The following ZBTB7C variants were observed in gnomAD, a reference collection of about 807,000 sequenced individuals.
ZBTB7C encodes the protein zinc finger and BTB domain containing 7C, also known as zinc finger and BTB domain-containing protein 7C.
In ZBTB7C, 8 loss-of-function variants were observed where a neutral mutation model predicts 25.7. The ratio of observed to expected loss-of-function variants is 0.31; its 90% CI spans 0.18 to 0.56. ZBTB7C has a LOEUF of 0.56. Ranked by LOEUF, ZBTB7C falls within the 20% of genes least tolerant of loss-of-function variation. The pLI is 0.91. For missense variants in ZBTB7C, 824 were observed against 855.2 expected (o/e 0.96, Z 0.46); for synonymous variants, 394 against 369.0 (o/e 1.07, Z -0.78).
intron 2 of ZBTB7C, among the ~76,000 whole-genome samples, chr18:48,336,323 C>A (rs184322510): frequency 3.9e-5 from 6 of 152,242 alleles, no homozygotes; most frequent in African/African-American, 9.6e-5. Flanking sequence ...TCTCACCCCC[C>A]ACCAGACTGT....
chr18:48,215,825 A>G (rs760702848), intron 2 of ZBTB7C, among the ~76,000 whole-genome samples: 1 of 152,252 alleles, frequency 6.6e-6, no homozygotes, highest in East Asian at 1.9e-4. Flanking sequence ...TTCAGGGCAT[A>G]TTTTCAGACT....
rs2047660271 is a variant in ZBTB7C, at chr18:48,382,701, A to G, written c.-304+26525T>C. Among the ~76,000 whole-genome samples the G allele has an allele frequency of 2.0e-5, 3 of 152,250 alleles. No individual in the cohort carries two copies. In the South Asian group the frequency reaches 6.2e-4, roughly 31 times the overall value. Reference sequence around the variant, plus strand: ...GAATGACTTTGCATGCATGCATGTTATTGCTGTGCAGGAAATTTGCCCTAC... The same window carrying G: ...GAATGACTTTGCATGCATGCATGTTGTTGCTGTGCAGGAAATTTGCCCTAC... On this transcript the variant is annotated intron_variant, in intron 1 of 4. Transcript: ENST00000590800.
intron 2 of ZBTB7C, among the ~76,000 whole-genome samples, chr18:48,284,822 G>A (rs2044992107): frequency 6.6e-6 from 1 of 150,870 alleles, no homozygotes; most frequent in Non-Finnish European, 1.5e-5. Context: ...CAGAGAGAGA[G>A]AGAGAGAAGA....
At chr18:48,351,922 G>A (rs1277365297) in intron 1 of ZBTB7C, among the ~76,000 whole-genome samples, 1 of 152,166 alleles carries the variant, frequency 6.6e-6, no homozygotes, top group South Asian at 2.1e-4. Flanking sequence ...GGAGTGCTAA[G>A]TCCCAGCAGG....
chr18:48,389,236 CGTGTGTGTGTGTGTGTGTG>C (rs1271047913), intron 1 of ZBTB7C, among the ~76,000 whole-genome samples: 2 of 62,366 alleles, frequency 3.2e-5, no homozygotes, highest in African/African-American at 1.4e-4. Flanking sequence ...CTCTCTCTCT[CGTGTGTGTGTGTGTGTGTG>C]TGTGTGTGTG....
intron 2 of ZBTB7C, among the ~76,000 whole-genome samples, chr18:48,327,270 A>C (rs1369385167): frequency 6.6e-6 from 1 of 151,808 alleles, no homozygotes; most frequent in Admixed American, 6.6e-5. Context: ...TCCATGACCC[A>C]CCCCCGAATC....
At chr18:48,326,504 CA>C (rs1179153960) in intron 2 of ZBTB7C, among the ~76,000 whole-genome samples, 1 of 151,400 alleles carries the variant, frequency 6.6e-6, no homozygotes, top group African/African-American at 2.4e-5. Context: ...TTTTTAAAAG[CA>C]AAAAAATTGG....
At chr18:48,177,101 C>T (rs896448776) in intron 3 of ZBTB7C, among the ~76,000 whole-genome samples, 2 of 152,230 alleles carry the variant, frequency 1.3e-5, no homozygotes, top group African/African-American at 4.8e-5. Context: ...CAGCATAAAC[C>T]CCTTTAGGGC....
chr18:48,130,138 C>A (rs1270382977), intron 3 of ZBTB7C, among the ~76,000 whole-genome samples: 1 of 152,194 alleles, frequency 6.6e-6, no homozygotes, highest in Admixed American at 6.5e-5. Context: ...CCTCCTTCAT[C>A]CCAATCAAGG....
intron 2 of ZBTB7C, among the ~76,000 whole-genome samples, chr18:48,284,879 C>G (rs1323311479): frequency 1.3e-5 from 2 of 152,058 alleles, no homozygotes; most frequent in Non-Finnish European, 2.9e-5. Context: ...TTATCTCACC[C>G]TCTCCTGAGC....
chr18:48,135,249 G>A (rs1465361924), intron 3 of ZBTB7C, among the ~76,000 whole-genome samples: 1 of 152,052 alleles, frequency 6.6e-6, no homozygotes, highest in Non-Finnish European at 1.5e-5. Context: ...ATACAATAGC[G>A]TTGAATAAAT....
chr18:48,076,867 G>T (rs1448221661), intron 3 of ZBTB7C: 5 of 908,340 alleles, frequency 5.5e-6, no homozygotes, highest in African/African-American at 1.8e-5. Context: ...CCTGCCCAAA[G>T]CCCGAACCAT....
chr18:48,260,964 T>A (rs1482888113), intron 2 of ZBTB7C, among the ~76,000 whole-genome samples: 1 of 152,074 alleles, frequency 6.6e-6, no homozygotes, highest in Non-Finnish European at 1.5e-5. Flanking sequence ...ACGGGCAAAT[T>A]TGTATGAGCA....
intron 3 of ZBTB7C, among the ~76,000 whole-genome samples, chr18:48,082,660 A>T (rs1436916671): frequency 6.6e-6 from 1 of 152,196 alleles, no homozygotes; most frequent in Non-Finnish European, 1.5e-5. Context: ...AAAGTAAGGC[A>T]AACAGCAGAC....
At chr18:48,295,204 G>A (rs1226571879) in intron 2 of ZBTB7C, among the ~76,000 whole-genome samples, 1 of 152,122 alleles carries the variant, frequency 6.6e-6, no homozygotes, top group African/African-American at 2.4e-5. Context: ...GCCATGCCCC[G>A]GAGTCTTCGG....
intron 3 of ZBTB7C, among the ~76,000 whole-genome samples, chr18:48,111,452 T>C (rs2144667801): frequency 6.6e-6 from 1 of 152,310 alleles, no homozygotes; most frequent in South Asian, 2.1e-4. Context: ...AGAGACTCCT[T>C]CTATGTCATT....
At chr18:48,118,129 C>T (rs537113671) in intron 3 of ZBTB7C, among the ~76,000 whole-genome samples, 131 of 152,112 alleles carry the variant, frequency 8.6e-4, no homozygotes, top group Non-Finnish European at 1.5e-3. Flanking sequence ...CCTCAGCCTC[C>T]CAAGTAGCTG....
intron 2 of ZBTB7C, among the ~76,000 whole-genome samples, chr18:48,289,441 A>C (rs1279757801): frequency 6.6e-6 from 1 of 152,018 alleles, no homozygotes; most frequent in African/African-American, 2.4e-5. Flanking sequence ...ATGTACTGAC[A>C]TGGAAAGGAA....
chr18:48,259,714 A>C (rs1370442816), intron 2 of ZBTB7C, among the ~76,000 whole-genome samples: 1 of 152,264 alleles, frequency 6.6e-6, no homozygotes, highest in Non-Finnish European at 1.5e-5. Flanking sequence ...ATATTTGAAC[A>C]GAACTTTACC....
Sources: gnomAD v4.1 joint callset for allele counts (sites outside exome capture counted in the v4.1 genomes callset) on GRCh38, gnomAD v4.1.1 for gene constraint, MANE v1.5 for transcripts, NCBI Gene and HGNC (gene_info 2026-07-23, HGNC 2026-07-21) for gene names.